Variants in TRMT2B observed in about 807,000 individuals in gnomAD.
TRMT2B encodes the protein tRNA (uracil-5-)-methyltransferase homolog B.
Under a neutral mutation model 39.7 loss-of-function variants are expected in TRMT2B, and 34 were observed. The observed-to-expected ratio is 0.86, with a 90% confidence interval of 0.65 to 1.14. The LOEUF is 1.14. Ranked by LOEUF, TRMT2B falls within the 50% of genes most tolerant of loss-of-function variation. The pLI is 0.00. For missense variants in TRMT2B, 318 were observed against 377.2 expected, an observed-to-expected ratio of 0.84 and a Z score of 1.30; for synonymous variants, 132 against 137.3, an observed-to-expected ratio of 0.96 and a Z score of 0.27.
At chrX:101,003,207 C>A in the TRMT2B span, among the ~76,000 whole-genome samples, 6 of 109,665 alleles carry the variant, frequency 5.5e-5, no homozygotes, top group Non-Finnish European at 1.1e-4. Flanking sequence ...TGAGCCACTG[C>A]ATCTGACCAA....
rs757999128 is a variant in TRMT2B at position 101,019,414 on chromosome X, C to T, written c.1169-11G>A. On this transcript the variant is annotated splice_polypyrimidine_tract_variant and intron_variant, in intron 11 of 13. Transcript: ENST00000372936. ...CAGAGTTGGTGATGCCTATGGAAGA[C>T]AGGCCCACAGGACATAACTCAAGCC... 2.5e-6 allele frequency: 3 copies of T among 1,207,844 alleles called. No individual in the cohort carries two copies. The African/African-American group carries it at 5.3e-5, about 21-fold the overall frequency.
chrX:101,006,353 T>TA (rs1271341864), downstream of TRMT2B, among the ~76,000 whole-genome samples: 1 of 111,831 alleles, frequency 8.9e-6, no homozygotes, highest in Non-Finnish European at 1.9e-5. Flanking sequence ...TGAACTACAT[T>TA]AGATGACATT....
chrX:101,003,176 A>G, the TRMT2B span, among the ~76,000 whole-genome samples: 1 of 107,997 alleles, frequency 9.3e-6, no homozygotes, highest in Non-Finnish European at 1.9e-5. Flanking sequence ...TCAGCCTCCC[A>G]AAGTGCTGGG....
chrX:101,046,173 A>G (rs777841500), intron 2 of TRMT2B, among the ~76,000 whole-genome samples: 5 of 109,739 alleles, frequency 4.6e-5, no homozygotes, highest in African/African-American at 1.7e-4. Flanking sequence ...AAATCAATCA[A>G]TCAATCAAAA....
rs752565205 is a variant in TRMT2B at position 101,023,488 on chromosome X, A to C, written c.738T>G (p.His246Gln). The C allele has an allele frequency of 8.3e-6, 10 of 1,208,642 alleles. No homozygotes were observed. The highest frequency in any genetic ancestry group is 1.1e-5 in the Non-Finnish European group (10 of 893,017). ...QGHTMAIITFHPQKLSQEELH... is the reference protein window; with the variant it reads ...QGHTMAIITFQPQKLSQEELH... ...GGCTCACCTGACTTAATTTCTGGGGATGGAAAGTGATGATAGCCATTGTGT... is the reference window on the plus strand; with the variant it reads ...GGCTCACCTGACTTAATTTCTGGGGCTGGAAAGTGATGATAGCCATTGTGT... The change falls in exon 8 of 14, where the codon CAT becomes CAG. Residue 246 changes from histidine (H) to glutamine (Q), a missense_variant. His to Gln is a conservative substitution (Grantham distance 24). Transcript: ENST00000372936.
the TRMT2B span, among the ~76,000 whole-genome samples, chrX:101,000,831 A>T: frequency 8.9e-6 from 1 of 111,820 alleles, no homozygotes; most frequent in Non-Finnish European, 1.9e-5. Flanking sequence ...ACCCAAAATG[A>T]ATTAAATCAG....
the TRMT2B span, among the ~76,000 whole-genome samples, chrX:100,996,528 T>C: frequency 3.6e-5 from 4 of 111,760 alleles, no homozygotes; most frequent in African/African-American, 1.3e-4. Context: ...TGAAAAAATA[T>C]GTGCAACTAT....
chrX:100,996,374 T>C, the TRMT2B span, among the ~76,000 whole-genome samples: 3 of 112,015 alleles, frequency 2.7e-5, no homozygotes, highest in Admixed American at 9.5e-5. Context: ...AGGGTGACTA[T>C]AGTTAACAAT....
chrX:101,040,473 T>G (rs1473375969), intron 4 of TRMT2B, among the ~76,000 whole-genome samples: 1 of 111,097 alleles, frequency 9.0e-6, no homozygotes, highest in African/African-American at 3.3e-5. Flanking sequence ...TCATTTTACA[T>G]GTTCTTAAAT....
the TRMT2B span, among the ~76,000 whole-genome samples, chrX:101,002,545 C>T: frequency 1.8e-5 from 2 of 110,914 alleles, no homozygotes; most frequent in Non-Finnish European, 3.8e-5. Context: ...TTTGGGAGGC[C>T]GAGGTGGGTG....
intron 2 of TRMT2B, among the ~76,000 whole-genome samples, chrX:101,050,580 C>T (rs1048394610): frequency 8.2e-5 from 9 of 110,154 alleles, no homozygotes; most frequent in Non-Finnish European, 1.3e-4. Flanking sequence ...CAAAATTAGC[C>T]GGGTGTGGTG....
chrX:101,014,330 TTCTC>T (rs1236440939), intron 13 of TRMT2B, among the ~76,000 whole-genome samples: 1 of 110,267 alleles, frequency 9.1e-6, no homozygotes, highest in Non-Finnish European at 1.9e-5. Context: ...TGAATTTTCT[TTCTC>T]TCTCTTTTTT....
chrX:100,988,185 T>C, the TRMT2B span: 325 of 1,197,845 alleles, frequency 2.7e-4, no homozygotes, highest in African/African-American at 4.2e-3. Context: ...CTTTCCATCT[T>C]CCACCAGCTT....
chrX:100,984,071 T>C, the TRMT2B span, among the ~76,000 whole-genome samples: 2 of 110,372 alleles, frequency 1.8e-5, no homozygotes, highest in African/African-American at 6.6e-5. Context: ...CTGGAACGCA[T>C]ATAAAGGCTG....
At chrX:100,973,530 G>A in the TRMT2B span, 20 of 936,221 alleles carry the variant, frequency 2.1e-5, no homozygotes, top group Non-Finnish European at 2.8e-5. Context: ...GACATTTATA[G>A]ACACAGTTGG....
In TRMT2B at chrX:101,051,832, A is replaced by G; in HGVS notation, c.-522T>C. The stretch of plus-strand genomic sequence containing the variant: ...TCTTACAAACCTGAGGCGGCAAACT[A>G]AAAGGCCAGCGGATGGCCTGGTTTG... On this transcript the variant is annotated 5_prime_UTR_variant, in exon 1 of 14. Coordinates refer to ENST00000372936, the MANE Select transcript of TRMT2B (RefSeq NM_024917.6). The G allele has an allele frequency of 2.5e-6, 1 of 403,425 alleles. No homozygotes were observed. The highest frequency in any genetic ancestry group is 3.1e-6 in the Non-Finnish European group (1 of 318,311). 33.2% of individuals were successfully genotyped at this position (403,425 alleles called of 1,213,427 possible). A position where few individuals can be genotyped will look rare whatever the true frequency, so the allele number is the denominator to read the frequency against.
chrX:101,016,669 G>C (rs2086540372), intron 13 of TRMT2B, among the ~76,000 whole-genome samples: 1 of 73,304 alleles, frequency 1.4e-5, no homozygotes, highest in East Asian at 4.0e-4. Context: ...TTTTTGAGAC[G>C]GAGTTTCACT....
intron 13 of TRMT2B, among the ~76,000 whole-genome samples, chrX:101,015,237 G>A (rs907406551): frequency 9.0e-6 from 1 of 111,287 alleles, no homozygotes; most frequent in Non-Finnish European, 1.9e-5. Context: ...CATTTTATGT[G>A]TGTGAGAGTA....
chrX:100,989,413 C>T, the TRMT2B span, among the ~76,000 whole-genome samples: 1 of 109,848 alleles, frequency 9.1e-6, no homozygotes, highest in African/African-American at 3.3e-5. Flanking sequence ...AGATCAAGAC[C>T]ATCCTGGCCA....
Sources: gnomAD v4.1 joint callset for allele counts (sites outside exome capture counted in the v4.1 genomes callset) on GRCh38, gnomAD v4.1.1 for gene constraint, MANE v1.5 for transcripts, NCBI Gene and HGNC (gene_info 2026-07-23, HGNC 2026-07-21) for gene names.